Variants in TCFL5 observed in about 807,000 individuals in gnomAD.
The protein encoded by TCFL5 is transcription factor-like 5 protein.
Under a neutral mutation model 44.3 loss-of-function variants are expected in TCFL5, and 9 were observed. The observed-to-expected ratio is 0.20, with a 90% CI of 0.12 to 0.35. The LOEUF is 0.35. Among genes scored for constraint, TCFL5 ranks in the 10% least tolerant of loss-of-function variants. The pLI is 1.00. For missense variants in TCFL5, 603 were observed against 613.4 expected (o/e 0.98, Z 0.18); for synonymous variants, 319 against 271.6 (o/e 1.17, Z -1.72).
Position 62,842,036 on chromosome 20 carries a change from G to C in TCFL5, c.1442C>G (p.Ser481Cys), listed in dbSNP as rs201348130. ...GRRLKLTRPD[S>C]LVTCPAQGSL... Reference sequence around the variant, plus strand: ...CCCCTGTGCAGGACAGGTCACCAAGGAGTCCGGTCTGGTCAGCTTTAGCCT... The same window carrying C: ...CCCCTGTGCAGGACAGGTCACCAAGCAGTCCGGTCTGGTCAGCTTTAGCCT... The change falls in exon 6 of 6, where the codon TCC (serine) becomes TGC (cysteine). Residue 481 changes from serine (S) to cysteine (C), a missense_variant. Coordinates refer to ENST00000335351, the MANE Select transcript of TCFL5 (RefSeq NM_006602.4). The surrounding 1 kb of genome is among the most constrained non-coding windows in gnomAD (Gnocchi z 4.3). The C allele has an allele frequency of 6.2e-7, 1 of 1,614,122 alleles. No homozygotes were observed.
At chr20:62,853,474 C>T (rs937954950) in intron 5 of TCFL5, among the ~76,000 whole-genome samples, 1 of 152,028 alleles carries the variant, frequency 6.6e-6, no homozygotes, top group Non-Finnish European at 1.5e-5. Flanking sequence ...GCCCCCGCCC[C>T]GAGCAGCTGG....
intron 5 of TCFL5, among the ~76,000 whole-genome samples, chr20:62,846,758 C>T (rs1478625085): frequency 7.2e-6 from 1 of 138,072 alleles, no homozygotes; most frequent in Non-Finnish European, 1.6e-5. Context: ...ATGAGGGCCC[C>T]TCGCTGGGAA....
intron 5 of TCFL5, among the ~76,000 whole-genome samples, chr20:62,849,175 C>T (rs1272894202): frequency 6.7e-6 from 1 of 148,626 alleles, no homozygotes; most frequent in Non-Finnish European, 1.5e-5. Context: ...AAAAAAAAAA[C>T]ACGGAAGTAT....
chr20:62,855,259 A>G (rs6062714), intron 4 of TCFL5, among the ~76,000 whole-genome samples: 40,007 of 152,036 alleles, frequency 0.26, 5,378 homozygotes, highest in Middle Eastern at 0.32. Flanking sequence ...TCCCAGGCTC[A>G]AGTGATCCTC....
In TCFL5 at chr20:62,845,616, T is replaced by A. The variant is rs369906208; in HGVS notation, c.1381-3519A>T. 1,246 of 1,591,012 alleles carry A rather than the reference T, an allele frequency of 7.8e-4. 1 individual carries two copies. Among genetic ancestry groups the A allele is most frequent in the Non-Finnish European group, 9.7e-4 (1,137 of 1,166,748 alleles). ...TCCGGAGAAGTTAGACCCTCGGAGC[T>A]GGTCTCGGACTGCTGGGGCGTCACC... On this transcript the variant is annotated intron_variant, in intron 5 of 5. Transcript: ENST00000335351.
chr20:62,842,712 G>A lies in TCFL5; in HGVS notation c.1381-615C>T, dbSNP rs1025309508. On this transcript the variant is annotated intron_variant, in intron 5 of 5. Coordinates refer to ENST00000335351, the MANE Select transcript of TCFL5 (RefSeq NM_006602.4). This position sits in a 1 kb window ranked among gnomAD's most constrained non-coding sequence, Gnocchi z 4.3. ...TGGGAGGTGGAGGTTGCAGTGAGCC[G>A]AGATCATGCCATTGCACTCCAGTCT... Among the ~76,000 whole-genome samples the A allele has an allele frequency of 3.3e-5, 5 of 152,142 alleles. No individual in the cohort carries two copies. Among genetic ancestry groups the A allele is most frequent in the African/African-American group, 9.7e-5 (4 of 41,434 alleles).
In TCFL5 at chr20:62,857,301, C is replaced by T. The variant is rs535453877; in HGVS notation, c.1238+94G>A. On this transcript the variant is annotated intron_variant, in intron 4 of 5. Coordinates refer to ENST00000335351, the MANE Select transcript of TCFL5 (RefSeq NM_006602.4). Reference sequence around the variant, plus strand: ...TCCTACCTGCTTTATTCCCTCTGAACGCAGAAACGGCTAAGGATCACTCAT... The same window carrying T: ...TCCTACCTGCTTTATTCCCTCTGAATGCAGAAACGGCTAAGGATCACTCAT... The T allele has an allele frequency of 1.0e-4, 154 of 1,516,254 alleles. No individual in the cohort carries two copies. The African/African-American group carries it at 1.7e-3, about 17-fold the overall frequency. 93.9% of individuals were successfully genotyped at this position (1,516,254 alleles called of 1,614,324 possible).
At chr20:62,848,317 C>A (rs1340304524) in intron 5 of TCFL5, among the ~76,000 whole-genome samples, 3 of 152,234 alleles carry the variant, frequency 2.0e-5, no homozygotes, top group African/African-American at 4.8e-5. Flanking sequence ...TAAACACAAC[C>A]AGCGCCCCAG....
intron 3 of TCFL5, among the ~76,000 whole-genome samples, chr20:62,858,280 C>A (rs1387154175): frequency 6.6e-6 from 1 of 152,214 alleles, no homozygotes; most frequent in Non-Finnish European, 1.5e-5. Flanking sequence ...ACCACAGGCA[C>A]GTGACTGGCA....
Position 62,861,422 on chromosome 20 carries a change from C to G in TCFL5, c.249G>C (p.Ala83=). ...CCGCGCCTGCGCCCGGGCCCGCCGCCGCCAGCAGCGCCGAGTTGAGGCGCG... is the reference window on the plus strand; with the variant it reads ...CCGCGCCTGCGCCCGGGCCCGCCGCGGCCAGCAGCGCCGAGTTGAGGCGCG... The part of the protein sequence containing the change: ...LETRLNSALL[A]AAGPGAGAGG... Residue 83 remains alanine (A), a synonymous_variant, in exon 1 of 6, where the codon GCG becomes GCC. Transcript: ENST00000335351. This position sits in a 1 kb window ranked among gnomAD's most constrained non-coding sequence, Gnocchi z 4.0. 8.7e-7 allele frequency: 1 copy of G among 1,143,406 alleles called. No individual in the cohort carries two copies. The highest frequency in any genetic ancestry group is 1.1e-6 in the Non-Finnish European group (1 of 927,650). 70.8% of individuals were successfully genotyped at this position (1,143,406 alleles called of 1,614,324 possible).
intron 5 of TCFL5, chr20:62,845,931 G>C (rs202075690): frequency 8.7e-6 from 13 of 1,489,474 alleles, no homozygotes; most frequent in Non-Finnish European, 1.2e-5. Flanking sequence ...TCAGGAATCC[G>C]AACCCTGAAC....
In TCFL5 at chr20:62,842,502, C is replaced by G. The variant is rs1375853543; in HGVS notation, c.1381-405G>C. Reference sequence around the variant, plus strand: ...TCAGGCCGGGCGTGGCGGCTCACGCCTATAATCCCAGCACTTTGGGAGGCC... The same window carrying G: ...TCAGGCCGGGCGTGGCGGCTCACGCGTATAATCCCAGCACTTTGGGAGGCC... On this transcript the variant is annotated intron_variant, in intron 5 of 5. Coordinates refer to ENST00000335351, the MANE Select transcript of TCFL5 (RefSeq NM_006602.4). This position sits in a 1 kb window ranked among gnomAD's most constrained non-coding sequence, Gnocchi z 4.3. Among the ~76,000 whole-genome samples the G allele has an allele frequency of 6.6e-6, 1 of 152,206 alleles. No homozygotes were observed. Among genetic ancestry groups the G allele is most frequent in the Non-Finnish European group, 1.5e-5 (1 of 68,038 alleles).
intron 4 of TCFL5, 49 bp downstream of exon 4, chr20:62,857,346 C>G (rs747826223): frequency 1.0e-5 from 16 of 1,599,120 alleles, no homozygotes; most frequent in Non-Finnish European, 1.3e-5. Flanking sequence ...CCATGTATGA[C>G]TAAGGTAATC....
intron 1 of TCFL5, among the ~76,000 whole-genome samples, chr20:62,860,630 CCT>C (rs1168494159): frequency 1.4e-4 from 22 of 152,222 alleles, no homozygotes; most frequent in Non-Finnish European, 2.9e-4. Flanking sequence ...CACAGCCATC[CCT>C]GAGGGTCGCC....
chr20:62,848,028 G>A (rs2063765232), intron 5 of TCFL5, among the ~76,000 whole-genome samples: 1 of 152,250 alleles, frequency 6.6e-6, no homozygotes. Flanking sequence ...CAGGACACGA[G>A]GTCCAGGGAG....
chr20:62,852,260 A>G (rs2063819429), intron 5 of TCFL5: 1 of 984,992 alleles, frequency 1.0e-6, no homozygotes, highest in Admixed American at 6.2e-5. Flanking sequence ...AGGTCTGCTC[A>G]CTCCTAGAGG....
intron 5 of TCFL5, among the ~76,000 whole-genome samples, chr20:62,844,436 A>G (rs1239570524): frequency 6.6e-6 from 1 of 151,370 alleles, no homozygotes; most frequent in Non-Finnish European, 1.5e-5. Context: ...TTTTTTTTGG[A>G]CAGGGTCTTG....
chr20:62,848,507 G>A (rs1215680600), intron 5 of TCFL5, among the ~76,000 whole-genome samples: 2 of 152,196 alleles, frequency 1.3e-5, no homozygotes, highest in African/African-American at 2.4e-5. Flanking sequence ...TTCAGAGGCC[G>A]AGGCGGGAGG....
rs564940929 is a variant in TCFL5, at chr20:62,859,754, T to C, written c.832-228A>G. ...TTTTTTTTTTGAGACAGGCTCTCACTCTGTCGCCCAGACTGGAGTGCAGGG... is the reference window on the plus strand; with the variant it reads ...TTTTTTTTTTGAGACAGGCTCTCACCCTGTCGCCCAGACTGGAGTGCAGGG... On this transcript the variant is annotated intron_variant, in intron 2 of 5. Coordinates refer to ENST00000335351, the MANE Select transcript of TCFL5 (RefSeq NM_006602.4). Among the ~76,000 whole-genome samples, 10 of 151,704 alleles carry C rather than the reference T, an allele frequency of 6.6e-5. No individual in the cohort carries two copies. In the East Asian group the frequency reaches 1.9e-3, roughly 29 times the overall value.
Sources: allele counts gnomAD v4.1 joint callset (sites outside exome capture counted in the v4.1 genomes callset), GRCh38; gene constraint gnomAD v4.1.1; non-coding constraint Gnocchi (gnomAD v3.1); transcripts MANE v1.5; gene names NCBI Gene and HGNC (gene_info 2026-07-23, HGNC 2026-07-21).